Variants in DIXDC1 observed in about 807,000 individuals in gnomAD.
DIXDC1 encodes DIX domain containing 1, also known as dixin.
Under a neutral mutation model 103.1 loss-of-function variants are expected in DIXDC1, and 64 were observed. The ratio of observed to expected loss-of-function variants is 0.62; its 90% CI spans 0.51 to 0.76. The LOEUF is 0.76. Ranked by LOEUF, DIXDC1 falls within the 30% of genes least tolerant of loss-of-function variation. DIXDC1 has a pLI of 0.00. For missense variants in DIXDC1, 759 were observed against 834.2 expected (o/e 0.91, Z 1.11); for synonymous variants, 266 against 298.5 (o/e 0.89, Z 1.12).
At chr11:111,980,471 T>C (rs1860260369) in intron 5 of DIXDC1, among the ~76,000 whole-genome samples, 1 of 152,230 alleles carries the variant, frequency 6.6e-6, no homozygotes, top group African/African-American at 2.4e-5. Context: ...GGTAAATCTC[T>C]TCTCAATGAA....
At position 111,964,554 on chromosome 11, in the gene DIXDC1, G is replaced by A. The variant is rs782282912; in HGVS notation, c.66G>A (p.Gln22=). 1 of 1,600,968 alleles carries A rather than the reference G, an allele frequency of 6.2e-7. No homozygotes were observed. The highest frequency in any genetic ancestry group is 2.2e-5 in the East Asian group (1 of 44,674). ...DVLQEGFNEQ[Q]LQAYVAWVNA... is the part of the protein sequence containing the mutation. ...TTATATCTTTTATTTTCCAGCAACA[G>A]CTGCAGGCCTATGTGGCCTGGGTGA... The change falls in exon 2 of 20, where the codon CAG becomes CAA. Residue 22 remains glutamine (Q), a synonymous_variant. Transcript: ENST00000440460.
intron 2 of DIXDC1, among the ~76,000 whole-genome samples, chr11:111,965,170 T>C (rs1416287415): frequency 2.0e-5 from 3 of 152,218 alleles, no homozygotes; most frequent in African/African-American, 7.2e-5. Flanking sequence ...AGGACCCTTC[T>C]ACCATAATAC....
rs782043750 is a variant in DIXDC1, at chr11:111,992,505, C to T, written c.1204C>T (p.Leu402=). 2 of 1,566,514 alleles carry T rather than the reference C, an allele frequency of 1.3e-6. No individual in the cohort carries two copies. The highest frequency in any genetic ancestry group is 2.4e-5 in the South Asian group (2 of 84,836). ...LLRANMDKDE[L]HNQNVDLQRK... ...GAGGGCAAATATGGACAAAGATGAGCTGCACAACCAGAATGTGAGTTAAAT... is the reference window on the plus strand; with the variant it reads ...GAGGGCAAATATGGACAAAGATGAGTTGCACAACCAGAATGTGAGTTAAAT... Residue 402 remains leucine (L), a synonymous_variant, in exon 11 of 20, where the codon CTG becomes TTG. Coordinates refer to ENST00000440460, the MANE Select transcript of DIXDC1 (RefSeq NM_001037954.4).
At chr11:112,000,083 T>C (rs1271797763) in intron 17 of DIXDC1, among the ~76,000 whole-genome samples, 3 of 152,056 alleles carry the variant, frequency 2.0e-5, no homozygotes, top group Non-Finnish European at 4.4e-5. Flanking sequence ...TGCAGCTAGC[T>C]GAGATTGCGC....
At chr11:111,930,849 CTTTTTT>C (rs782075106) in intron 2 of DIXDC1, among the ~76,000 whole-genome samples, 5 of 116,864 alleles carry the variant, frequency 4.3e-5, no homozygotes, top group African/African-American at 1.9e-4. Context: ...TCTTTCTTTC[CTTTTTT>C]TTTTTTTTTT....
At chr11:111,937,135 G>GGGA, upstream of DIXDC1, 1 of 723,096 alleles carries the variant, frequency 1.4e-6, no homozygotes, top group Non-Finnish European at 1.7e-6. Flanking sequence ...CCCGGGCGGG[G>GGGA]GGGGGGTGTG....
intron 1 of DIXDC1, 35 bp from the exon 2 acceptor site, chr11:111,964,514 C>T (rs1181151007): frequency 1.3e-6 from 2 of 1,562,650 alleles, no homozygotes; most frequent in Non-Finnish European, 8.7e-7. Flanking sequence ...GATTAATATG[C>T]TCTCTTTCCC....
Position 111,977,556 on chromosome 11 carries a change from A to T in DIXDC1, c.656+2573A>T. 2 of 1,479,396 alleles carry T rather than the reference A, an allele frequency of 1.4e-6. No individual in the cohort carries two copies. The highest frequency in any genetic ancestry group is 1.8e-6 in the Non-Finnish European group (2 of 1,115,066). 91.6% of individuals were successfully genotyped at this position (1,479,396 alleles called of 1,614,324 possible). The stretch of plus-strand genomic sequence containing the variant: ...CGGGACTGCGCGCTTCAGAGCCTGG[A>T]GCATCCCAGTCGCTGGGGCCGAGAC... On this transcript the variant is annotated intron_variant, in intron 5 of 19. Transcript: ENST00000440460. The surrounding 1 kb of genome is among the most constrained non-coding windows in gnomAD (Gnocchi z 6.1).
chr11:111,999,805 C>A (rs372128491), intron 17 of DIXDC1, among the ~76,000 whole-genome samples: 4 of 151,640 alleles, frequency 2.6e-5, no homozygotes, highest in Admixed American at 2.6e-4. Flanking sequence ...GCAGAAGTTG[C>A]GGTGAGCTGC....
At position 111,977,329 on chromosome 11, in the gene DIXDC1, T is replaced by G; in HGVS notation, c.656+2346T>G. 3.8e-6 allele frequency: 4 copies of G among 1,042,796 alleles called. No individual in the cohort carries two copies. Among genetic ancestry groups the G allele is most frequent in the Non-Finnish European group, 4.6e-6 (4 of 866,312 alleles). The allele number at this position is 1,042,796 out of a possible 1,614,324, so 64.6% of individuals were successfully genotyped here. A position where few individuals can be genotyped will look rare whatever the true frequency, so the allele number is the denominator to read the frequency against. On this transcript the variant is annotated intron_variant, in intron 5 of 19. Coordinates refer to ENST00000440460, the MANE Select transcript of DIXDC1 (RefSeq NM_001037954.4). This position sits in a 1 kb window ranked among gnomAD's most constrained non-coding sequence, Gnocchi z 6.1. ...GAGGGATCCGGAAGGTGGCACGGAG[T>G]GGGATCGCCGCTGGGGACTCGAGGC...
chr11:111,940,473 A>G (rs1257601409), intron 1 of DIXDC1, among the ~76,000 whole-genome samples: 3 of 152,086 alleles, frequency 2.0e-5, no homozygotes, highest in African/African-American at 7.2e-5. Context: ...CTGCTGCTTG[A>G]TATTGGTGTT....
chr11:111,988,641 G>C (rs1322677945), intron 9 of DIXDC1, among the ~76,000 whole-genome samples: 2 of 152,144 alleles, frequency 1.3e-5, no homozygotes, highest in Non-Finnish European at 2.9e-5. Context: ...GGCATATTTA[G>C]ATATGATCAT....
At chr11:112,004,078 G>A (rs1243109577) in intron 17 of DIXDC1, among the ~76,000 whole-genome samples, 1 of 146,826 alleles carries the variant, frequency 6.8e-6, no homozygotes, top group African/African-American at 2.5e-5. Context: ...ATATATATGT[G>A]TGTGTATATG....
chr11:111,983,084 C>T (rs1555173449), intron 7 of DIXDC1, among the ~76,000 whole-genome samples: 1 of 152,208 alleles, frequency 6.6e-6, no homozygotes, highest in African/African-American at 2.4e-5. Context: ...ACATAGTTCC[C>T]ACCCTGAGTG....
intron 12 of DIXDC1, 31 bp from the exon 13 acceptor site, chr11:111,993,465 C>T (rs782732286): frequency 4.1e-5 from 66 of 1,612,130 alleles, no homozygotes; most frequent in Non-Finnish European, 4.6e-5. Flanking sequence ...CTGGTTTTGC[C>T]GCTCATCTTA....
At chr11:111,962,906 G>A (rs948775174) in intron 1 of DIXDC1, among the ~76,000 whole-genome samples, 4 of 152,148 alleles carry the variant, frequency 2.6e-5, no homozygotes, top group African/African-American at 9.7e-5. Context: ...GCAGACCTTG[G>A]AGCATCACAG....
upstream of DIXDC1, among the ~76,000 whole-genome samples, chr11:111,937,015 ATGTG>A (rs782375854): frequency 1.2e-4 from 15 of 127,600 alleles, no homozygotes; most frequent in South Asian, 9.4e-4. Flanking sequence ...GTATGTGTGT[ATGTG>A]TGTGTGTGTG....
intron 5 of DIXDC1, chr11:111,975,227 C>T (rs1860059437): frequency 2.3e-6 from 3 of 1,291,152 alleles, no homozygotes; most frequent in Non-Finnish European, 3.0e-6. Flanking sequence ...CAGTGCTTAA[C>T]TGTGACCACA....
intron 15 of DIXDC1, 102 bp from the exon 16 acceptor site, chr11:111,995,301 G>A: frequency 6.7e-7 from 1 of 1,496,164 alleles, no homozygotes; most frequent in Non-Finnish European, 9.0e-7. Context: ...CTGCTTCTGT[G>A]GGGGAAAAAT....
Sources: allele counts gnomAD v4.1 joint callset (sites outside exome capture counted in the v4.1 genomes callset), GRCh38; gene constraint gnomAD v4.1.1; non-coding constraint Gnocchi (gnomAD v3.1); transcripts MANE v1.5; gene names NCBI Gene and HGNC (gene_info 2026-07-23, HGNC 2026-07-21).